NCKAP5: variants seen among roughly 807,000 people sequenced by gnomAD.
The protein encoded by NCKAP5 is NCK associated protein 5.
Under a neutral mutation model 167.0 loss-of-function variants are expected in NCKAP5, and 92 were observed. The observed-to-expected ratio is 0.55, with a 90% CI of 0.47 to 0.66. The LOEUF is 0.66. Among genes scored for constraint, NCKAP5 ranks in the 30% least tolerant of loss-of-function variants. NCKAP5 has a pLI of 0.00. For synonymous variants in NCKAP5, 891 were observed against 877.4 expected, an observed-to-expected ratio of 1.02 and a Z score of -0.27; for missense variants, 2,378 against 2,315.0, an observed-to-expected ratio of 1.03 and a Z score of -0.56.
At chr2:132,676,521 A>T (rs1684518227) in intron 19 of NCKAP5, among the ~76,000 whole-genome samples, 1 of 151,878 alleles carries the variant, frequency 6.6e-6, no homozygotes, top group Admixed American at 6.6e-5. Flanking sequence ...TGCCTATAGG[A>T]GCATACCGAA....
At chr2:133,117,114 A>C (rs933421046) in intron 6 of NCKAP5, 19 of 152,206 alleles carry the variant, frequency 1.2e-4, no homozygotes, top group African/African-American at 4.3e-4. Flanking sequence ...GAGGCTAAGA[A>C]TATCTTCCGT....
chr2:133,439,049 A>C (rs2151155288), intron 3 of NCKAP5, among the ~76,000 whole-genome samples: 1 of 152,312 alleles, frequency 6.6e-6, no homozygotes, highest in South Asian at 2.1e-4. Flanking sequence ...GAATACTTTG[A>C]GTCATGCAAG....
intron 16 of NCKAP5, among the ~76,000 whole-genome samples, chr2:132,772,529 G>C (rs962215798): frequency 3.3e-5 from 5 of 152,128 alleles, no homozygotes; most frequent in Admixed American, 2.6e-4. Flanking sequence ...CCTCGTTATA[G>C]AAAAATGATG....
At position 133,188,525 on chromosome 2, in the gene NCKAP5, T is replaced by C. The variant is rs141217800; in HGVS notation, c.207+25191A>G. Among the ~76,000 whole-genome samples, 684 of 152,174 alleles carry C rather than the reference T, an allele frequency of 4.5e-3. 4 individuals carry two copies. The highest frequency in any genetic ancestry group is 0.015 in the African/African-American group (635 of 41,510). On this transcript the variant is annotated intron_variant, in intron 5 of 19. Coordinates refer to ENST00000409261, the MANE Select transcript of NCKAP5 (RefSeq NM_207363.3). Reference sequence around the variant, plus strand: ...CGCACTTATTCCAAAACTGACCACATAGTTGGAAGTAAAGGACTCCTCAAC... The same window carrying C: ...CGCACTTATTCCAAAACTGACCACACAGTTGGAAGTAAAGGACTCCTCAAC...
intron 11 of NCKAP5, among the ~76,000 whole-genome samples, chr2:132,826,015 G>A (rs1010423131): frequency 5.9e-5 from 9 of 152,332 alleles, no homozygotes; most frequent in East Asian, 1.9e-4. Context: ...ACAGAAAGCC[G>A]TTGTTGCACG....
intron 6 of NCKAP5, among the ~76,000 whole-genome samples, chr2:133,101,529 C>T (rs1040254548): frequency 6.1e-5 from 9 of 148,666 alleles, no homozygotes; most frequent in African/African-American, 2.2e-4. Context: ...TTCTTCCTAC[C>T]CATGAGCATG....
intron 6 of NCKAP5, among the ~76,000 whole-genome samples, chr2:133,059,633 A>G (rs2079925505): frequency 6.6e-6 from 1 of 151,788 alleles, no homozygotes; most frequent in Non-Finnish European, 1.5e-5. Flanking sequence ...CAATCATGCC[A>G]TTGCCACTCG....
At chr2:133,283,553 A>G (rs901788730) in intron 4 of NCKAP5, among the ~76,000 whole-genome samples, 1 of 152,134 alleles carries the variant, frequency 6.6e-6, no homozygotes, top group Admixed American at 6.5e-5. Flanking sequence ...TAAGCGCTAC[A>G]GTTCACATTT....
At chr2:132,680,037 A>G (rs1252849071) in intron 19 of NCKAP5, among the ~76,000 whole-genome samples, 2 of 152,104 alleles carry the variant, frequency 1.3e-5, no homozygotes, top group East Asian at 3.9e-4. Context: ...TCTAGATGAG[A>G]CATAAAAATA....
At chr2:133,455,639 A>G (rs1445530353) in intron 3 of NCKAP5, among the ~76,000 whole-genome samples, 1 of 152,144 alleles carries the variant, frequency 6.6e-6, no homozygotes, top group Non-Finnish European at 1.5e-5. Context: ...TTCATATCCA[A>G]ATGCTCTCCC....
chr2:132,851,769 C>T lies in NCKAP5; in HGVS notation c.807+8723G>A, dbSNP rs888200501. Among the ~76,000 whole-genome samples the T allele has an allele frequency of 5.9e-5, 9 of 152,180 alleles. No homozygotes were observed. In the South Asian group the frequency reaches 6.2e-4, roughly 11 times the overall value. On this transcript the variant is annotated intron_variant, in intron 11 of 19. Coordinates refer to ENST00000409261, the MANE Select transcript of NCKAP5 (RefSeq NM_207363.3). The stretch of plus-strand genomic sequence containing the variant: ...TGTTCCCAAGTCTCCTGAAGAGCTG[C>T]GTCAGATTGCAAATCACTGGCCAGT...
At chr2:132,780,186 C>T (rs1230251009) in intron 15 of NCKAP5, among the ~76,000 whole-genome samples, 1 of 152,186 alleles carries the variant, frequency 6.6e-6, no homozygotes, top group Non-Finnish European at 1.5e-5. Context: ...GAGTTTCGCT[C>T]TGTCGCCCAG....
chr2:133,572,427 A>AC (rs1688899536), upstream of NCKAP5, among the ~76,000 whole-genome samples: 1 of 152,186 alleles, frequency 6.6e-6, no homozygotes, highest in African/African-American at 2.4e-5. Context: ...GGCATGAAAG[A>AC]CAAGTGCAAA....
intron 1 of NCKAP5, among the ~76,000 whole-genome samples, chr2:133,560,838 T>C (rs577993757): frequency 1.3e-5 from 2 of 152,156 alleles, no homozygotes; most frequent in Non-Finnish European, 2.9e-5. Context: ...CTCACTGAAA[T>C]GTAGGCAGCA....
At chr2:133,574,153 A>G in the NCKAP5 span, among the ~76,000 whole-genome samples, 1 of 152,188 alleles carries the variant, frequency 6.6e-6, no homozygotes, top group Non-Finnish European at 1.5e-5. Context: ...GGGGACAGCC[A>G]CTGACTTTCC....
chr2:132,979,674 G>A (rs901849352), intron 7 of NCKAP5, among the ~76,000 whole-genome samples: 3 of 152,182 alleles, frequency 2.0e-5, no homozygotes, highest in African/African-American at 4.8e-5. Context: ...AATACCCATA[G>A]TCCTCTGCTT....
chr2:133,202,075 C>T (rs183081735), intron 5 of NCKAP5, among the ~76,000 whole-genome samples: 41 of 152,212 alleles, frequency 2.7e-4, no homozygotes, highest in East Asian at 9.7e-4. Flanking sequence ...CCCACATTGC[C>T]GAGTCAATCC....
intron 3 of NCKAP5, among the ~76,000 whole-genome samples, chr2:133,513,611 T>C (rs541564659): frequency 2.6e-5 from 4 of 152,350 alleles, no homozygotes; most frequent in African/African-American, 7.2e-5. Flanking sequence ...TTGATTACTA[T>C]AACGATTTGG....
intron 6 of NCKAP5, chr2:133,122,277 T>C (rs548849020): frequency 1.3e-5 from 2 of 152,372 alleles, no homozygotes; most frequent in African/African-American, 4.8e-5. Flanking sequence ...AATTCAGTTT[T>C]CAGTTTTAAA....
Sources: allele counts gnomAD v4.1 joint callset (sites outside exome capture counted in the v4.1 genomes callset), GRCh38; gene constraint gnomAD v4.1.1; transcripts MANE v1.5; gene names NCBI Gene and HGNC (gene_info 2026-07-23, HGNC 2026-07-21).